Variants in GPM6B observed in about 807,000 individuals in gnomAD.
GPM6B encodes neuronal membrane glycoprotein M6-b.
A neutral mutation model predicts 27.2 loss-of-function variants in GPM6B; 4 were observed. The ratio of observed to expected loss-of-function variants is 0.15; its 90% CI spans 0.07 to 0.34. The LOEUF is 0.34. GPM6B is among the 10% of genes least tolerant of loss of function. The pLI is 1.00. For missense variants in GPM6B, 183 were observed against 261.9 expected (o/e 0.70, Z 2.08); for synonymous variants, 124 against 103.1 (o/e 1.20, Z -1.23).
intron 2 of GPM6B, among the ~76,000 whole-genome samples, chrX:13,802,952 G>T (rs761947384): frequency 2.7e-5 from 3 of 111,694 alleles, no homozygotes; most frequent in Non-Finnish European, 5.6e-5. Context: ...ACCCAACTAT[G>T]GCCAGAGGTG....
chrX:13,825,954 G>A (rs1047816409), intron 1 of GPM6B, among the ~76,000 whole-genome samples: 1 of 111,710 alleles, frequency 9.0e-6, no homozygotes, highest in Non-Finnish European at 1.9e-5. Flanking sequence ...AAATGGAAGT[G>A]AGGAAGAGGA....
At chrX:13,858,373 T>C (rs1433303929) in intron 1 of GPM6B, among the ~76,000 whole-genome samples, 1 of 111,447 alleles carries the variant, frequency 9.0e-6, no homozygotes, top group Non-Finnish European at 1.9e-5. Flanking sequence ...AACTGGCTGG[T>C]GGGGTGGGTA....
chrX:13,924,923 G>A (rs1379899924), intron 1 of GPM6B, among the ~76,000 whole-genome samples: 1 of 112,234 alleles, frequency 8.9e-6, no homozygotes, highest in Non-Finnish European at 1.9e-5. Context: ...GAACTGATTT[G>A]ACTTCTCATT....
chrX:13,790,344 T>C (rs1008939534), intron 2 of GPM6B, among the ~76,000 whole-genome samples: 2 of 112,391 alleles, frequency 1.8e-5, no homozygotes, highest in East Asian at 2.8e-4. Flanking sequence ...ATTTGTCAAT[T>C]CCATGTGCTT....
At chrX:13,894,908 T>A (rs1168890816) in intron 1 of GPM6B, among the ~76,000 whole-genome samples, 11 of 112,059 alleles carry the variant, frequency 9.8e-5, no homozygotes. Context: ...CCCCTATCTC[T>A]TATCCTCTCT....
intron 2 of GPM6B, among the ~76,000 whole-genome samples, chrX:13,787,472 C>T (rs1372385618): frequency 1.3e-4 from 14 of 111,730 alleles, no homozygotes; most frequent in Non-Finnish European, 1.9e-4. Context: ...AAGGGAATCG[C>T]TTGAACCCAG....
At chrX:13,799,399 A>AT (rs1307317698) in intron 2 of GPM6B, among the ~76,000 whole-genome samples, 3 of 86,650 alleles carry the variant, frequency 3.5e-5, no homozygotes, top group East Asian at 4.1e-4. Context: ...TATTATTATT[A>AT]TTATTTTTTT....
At chrX:13,801,011 C>T (rs1294970663) in intron 2 of GPM6B, among the ~76,000 whole-genome samples, 1 of 106,652 alleles carries the variant, frequency 9.4e-6, no homozygotes, top group African/African-American at 3.5e-5. Context: ...TTAGCGATTC[C>T]GATTCAGGGC....
At chrX:13,785,036 T>C (rs907113158) in intron 3 of GPM6B, among the ~76,000 whole-genome samples, 3 of 111,314 alleles carry the variant, frequency 2.7e-5, no homozygotes, top group African/African-American at 9.8e-5. Context: ...CCTATCACCA[T>C]GTCACAGCTC....
intron 3 of GPM6B, among the ~76,000 whole-genome samples, chrX:13,784,109 C>T (rs1368577038): frequency 8.9e-6 from 1 of 112,804 alleles, no homozygotes; most frequent in African/African-American, 3.2e-5. Context: ...ATTCACAATG[C>T]AGTTTGTCCC....
chrX:13,908,129 G>A (rs956830799), intron 1 of GPM6B, among the ~76,000 whole-genome samples: 1 of 111,752 alleles, frequency 8.9e-6, no homozygotes, highest in Non-Finnish European at 1.9e-5. Flanking sequence ...GGGAGGCAAT[G>A]CATGTGTGAG....
At chrX:13,778,247 C>T (rs1055968898) in intron 5 of GPM6B, among the ~76,000 whole-genome samples, 26 of 108,993 alleles carry the variant, frequency 2.4e-4, no homozygotes, top group African/African-American at 8.8e-4. Flanking sequence ...CGGGGTTTCA[C>T]CATCTTAGCC....
At chrX:13,810,484 G>T (rs944197308) in intron 1 of GPM6B, among the ~76,000 whole-genome samples, 3 of 111,630 alleles carry the variant, frequency 2.7e-5, no homozygotes, top group African/African-American at 6.5e-5. Flanking sequence ...CTGGGACCCT[G>T]TGGACCAGAA....
intron 1 of GPM6B, among the ~76,000 whole-genome samples, chrX:13,841,862 A>G (rs913109498): frequency 1.8e-5 from 2 of 111,067 alleles, no homozygotes; most frequent in Non-Finnish European, 3.8e-5. Flanking sequence ...TCTCTTGGCT[A>G]CCCCATGTAC....
intron 2 of GPM6B, among the ~76,000 whole-genome samples, chrX:13,794,573 C>T (rs897918003): frequency 1.3e-4 from 14 of 111,347 alleles, no homozygotes; most frequent in Middle Eastern, 4.2e-3. Context: ...TTACTTTTTT[C>T]ACTGCTTGAC....
chrX:13,794,076 C>A (rs189809752), intron 2 of GPM6B, among the ~76,000 whole-genome samples: 1 of 112,161 alleles, frequency 8.9e-6, no homozygotes, highest in Non-Finnish European at 1.9e-5. Flanking sequence ...TGGCTACTTT[C>A]AAGCTACAAA....
intron 1 of GPM6B, among the ~76,000 whole-genome samples, chrX:13,865,541 T>TAAAAAAAAAAAA (rs1569271152): frequency 9.6e-4 from 3 of 3,111 alleles, no homozygotes; most frequent in African/African-American, 2.2e-3. Flanking sequence ...ATCCATCTCT[T>TAAAAAAAAAAAA]CAAAAAAAAA....
At position 13,779,924 on chromosome X, in the gene GPM6B, G is replaced by A. The variant is rs755355540; in HGVS notation, c.591C>T (p.Pro197=). The change falls in exon 5 of 8, where the codon CCC becomes CCT. Residue 197 remains proline (P), a synonymous_variant. Coordinates refer to ENST00000316715, the MANE Select transcript of GPM6B (RefSeq NM_001001995.3). ...ACCATATGTTGTAGAACATAAACAC[G>A]GGCACCGCTGAGAAACCAAACACAC... is the stretch of plus-strand genomic sequence containing the variant. The part of the protein sequence containing the change: ...WLGVFGFSAV[P]VFMFYNIWST... The A allele has an allele frequency of 5.0e-6, 6 of 1,199,089 alleles. No homozygotes were observed. The highest frequency in any genetic ancestry group is 4.4e-5 in the Admixed American group (2 of 45,621).
intron 1 of GPM6B, among the ~76,000 whole-genome samples, chrX:13,899,493 A>AAAAAATTAATT (rs2050264067): frequency 9.1e-6 from 1 of 109,736 alleles, no homozygotes; most frequent in Non-Finnish European, 1.9e-5. Flanking sequence ...TTGTGGGGTG[A>AAAAAATTAATT]TAAAAAATTA....
Sources: gnomAD v4.1 joint callset for allele counts (sites outside exome capture counted in the v4.1 genomes callset) on GRCh38, gnomAD v4.1.1 for gene constraint, MANE v1.5 for transcripts, NCBI Gene and HGNC (gene_info 2026-07-23, HGNC 2026-07-21) for gene names.